The following SYNE2 variants were observed in gnomAD, a reference collection of about 807,000 sequenced individuals.
SYNE2 encodes spectrin repeat containing nuclear envelope protein 2, also known as nesprin-2.
Under a neutral mutation model 856.3 loss-of-function variants are expected in SYNE2, and 431 were observed. The ratio of observed to expected loss-of-function variants is 0.50; its 90% CI spans 0.47 to 0.55. The LOEUF is 0.55. SYNE2 is among the 20% of genes least tolerant of loss of function. The pLI, the probability that SYNE2 is intolerant of heterozygous loss-of-function variation, is 0.00. For missense variants in SYNE2, 8,129 were observed against 8,023.2 expected (o/e 1.01, Z -0.50); for synonymous variants, 2,923 against 2,872.3 (o/e 1.02, Z -0.56).
At chr14:64,172,935 A>G (rs946414527) in intron 94 of SYNE2, among the ~76,000 whole-genome samples, 4 of 144,126 alleles carry the variant, frequency 2.8e-5, no homozygotes, top group Admixed American at 6.9e-5. Flanking sequence ...ACCTGTCTGG[A>G]AAAAAAAAAA....
intron 1 of SYNE2, among the ~76,000 whole-genome samples, chr14:63,853,502 G>GCCCCGGCCGCCCCCTCCCGGGCC (rs1448404088): frequency 6.6e-6 from 1 of 151,666 alleles, no homozygotes; most frequent in African/African-American, 2.4e-5. Flanking sequence ...GTGCCCGGGT[G>GCCCCGGCCGCCCCCTCCCGGGCC]CCCCGGCCGC....
At chr14:63,845,839 C>T (rs2139942727) in intron 1 of SYNE2, among the ~76,000 whole-genome samples, 1 of 150,102 alleles carries the variant, frequency 6.7e-6, no homozygotes, top group South Asian at 2.1e-4. Context: ...CTCCCAGGTT[C>T]AGGTGATTCT....
upstream of SYNE2, among the ~76,000 whole-genome samples, chr14:63,761,856 C>A (rs1886495221): frequency 6.6e-6 from 1 of 152,146 alleles, no homozygotes; most frequent in African/African-American, 2.4e-5. Flanking sequence ...CAAACCTCTC[C>A]CAGAGTCAGG....
chr14:63,963,917 A>G lies in SYNE2; in HGVS notation c.907A>G (p.Met303Val), dbSNP rs377535370. The change falls in exon 10 of 116, where the codon ATG (methionine) becomes GTG (valine). Residue 303 changes from methionine to valine, a missense_variant. By Grantham distance (21) the Met-to-Val change is conservative (BLOSUM62 1). Coordinates refer to ENST00000555002, the MANE Select transcript of SYNE2 (RefSeq NM_182914.3). ...EEAQGKVKDAMGWLTLQKEKL... is the reference protein window; with the variant it reads ...EEAQGKVKDAVGWLTLQKEKL... ...AATACAGGGAAAGGTGAAAGATGCTATGGGCTGGTTAACTCTGCAAAAGGA... is the reference window on the plus strand; with the variant it reads ...AATACAGGGAAAGGTGAAAGATGCTGTGGGCTGGTTAACTCTGCAAAAGGA... The G allele has an allele frequency of 2.2e-4, 352 of 1,612,504 alleles. No individual in the cohort carries two copies. The highest frequency in any genetic ancestry group is 2.8e-4 in the Non-Finnish European group (329 of 1,178,644).
chr14:63,852,641 C>A (rs1375937561), upstream of SYNE2, among the ~76,000 whole-genome samples: 1 of 152,200 alleles, frequency 6.6e-6, no homozygotes, highest in African/African-American at 2.4e-5. Flanking sequence ...GATCTGCTCT[C>A]TAACTCCTAC....
At chr14:63,860,069 C>T (rs552357881) in intron 1 of SYNE2, among the ~76,000 whole-genome samples, 5 of 151,642 alleles carry the variant, frequency 3.3e-5, no homozygotes, top group African/African-American at 1.2e-4. Context: ...TGGCTCACTG[C>T]AACCTCTGCC....
In SYNE2 at chr14:63,974,851, CATGTGTGTGTGTGTGT is replaced by C. The variant is rs2096522627; in HGVS notation, c.1129-1711_1129-1696del. Among the ~76,000 whole-genome samples, 48 of 52,786 alleles carry C rather than the reference CATGTGTGTGTGTGTGT, an allele frequency of 9.1e-4. 1 individual carries two copies. The highest frequency in any genetic ancestry group is 2.2e-3 in the African/African-American group (36 of 16,616). The allele number at this position is 52,786 out of a possible 152,430, so 34.6% of individuals were successfully genotyped here. ...GTATATAGACGTGTGTGTGTGTGTA[CATGTGTGTGTGTGTGT>C]GTGTGTGTGTGTGTGTGTGTGTGTG... is the stretch of plus-strand genomic sequence containing the variant. On this transcript the variant is annotated intron_variant, in intron 11 of 115. Coordinates refer to ENST00000555002, the MANE Select transcript of SYNE2 (RefSeq NM_182914.3).
intron 1 of SYNE2, among the ~76,000 whole-genome samples, chr14:63,818,936 G>A (rs1196488542): frequency 1.3e-5 from 2 of 151,762 alleles, no homozygotes; most frequent in East Asian, 3.9e-4. Flanking sequence ...CTGACTTCGT[G>A]ATCCGCCAGC....
chr14:63,974,084 A>G (rs916643218), intron 11 of SYNE2, among the ~76,000 whole-genome samples: 2 of 152,232 alleles, frequency 1.3e-5, no homozygotes, highest in African/African-American at 2.4e-5. Context: ...TAATAATTTT[A>G]AAAACCTCAA....
intron 1 of SYNE2, among the ~76,000 whole-genome samples, chr14:63,865,480 G>A (rs1228826968): frequency 1.3e-5 from 2 of 152,008 alleles, no homozygotes; most frequent in Non-Finnish European, 2.9e-5. Context: ...TGGGTGGAGA[G>A]TGGAGGAGAG....
At chr14:63,994,076 G>GCCCACTGGTGA in intron 22 of SYNE2, 107 bp downstream of exon 22, 2 of 1,160,850 alleles carry the variant, frequency 1.7e-6, no homozygotes, top group Non-Finnish European at 2.5e-6. Flanking sequence ...TGTATCACCA[G>GCCCACTGGTGA]TGGGCTGGTC....
intron 11 of SYNE2, 30 bp from the exon 12 acceptor site, chr14:63,976,533 A>T (rs777717196): frequency 5.8e-6 from 9 of 1,545,460 alleles, no homozygotes; most frequent in African/African-American, 3.0e-5. Context: ...CTACTGAAGA[A>T]TATGTTCTTT....
chr14:64,164,681 A>G (rs761076547), intron 89 of SYNE2, among the ~76,000 whole-genome samples: 33 of 152,176 alleles, frequency 2.2e-4, no homozygotes, highest in Non-Finnish European at 4.0e-4. Context: ...AACTAGTGGG[A>G]CTGAGAGAAC....
intron 97 of SYNE2, among the ~76,000 whole-genome samples, chr14:64,188,068 A>G (rs1276342634): frequency 6.6e-6 from 1 of 152,242 alleles, no homozygotes; most frequent in East Asian, 1.9e-4. Flanking sequence ...GTTTTGAAGC[A>G]TAACACTAAG....
intron 11 of SYNE2, among the ~76,000 whole-genome samples, chr14:63,976,171 CTG>C (rs2096541285): frequency 1.3e-5 from 2 of 152,114 alleles, no homozygotes; most frequent in African/African-American, 4.8e-5. Flanking sequence ...AGTTATAAAT[CTG>C]TATGAAAGAT....
rs2097574577 is a variant in SYNE2, at chr14:64,087,706, T to C, written c.11520T>C (p.Leu3840=). The C allele has an allele frequency of 6.2e-7, 1 of 1,614,160 alleles. No homozygotes were observed. Among genetic ancestry groups the C allele is most frequent in the Non-Finnish European group, 8.5e-7 (1 of 1,180,018 alleles). ...ALEDSEQKHN[L]LHSIFMDLED... ...AAGATTCAGAACAGAAGCACAATCT[T>C]TTACATTCAATCTTTATGGATCTAG... The change falls in exon 58 of 116, where the codon CTT becomes CTC. Residue 3840 remains leucine, a synonymous_variant. Coordinates refer to ENST00000555002, the MANE Select transcript of SYNE2 (RefSeq NM_182914.3).
chr14:64,173,940 A>G (rs1024647857), intron 94 of SYNE2: 6 of 698,046 alleles, frequency 8.6e-6, no homozygotes, highest in Non-Finnish European at 1.6e-5. Flanking sequence ...CTCTTAAAAA[A>G]CAGGACCTTC....
intron 21 of SYNE2, among the ~76,000 whole-genome samples, chr14:63,991,886 C>A (rs973062388): frequency 6.6e-6 from 1 of 152,188 alleles, no homozygotes; most frequent in Non-Finnish European, 1.5e-5. Context: ...TGCGCCTACT[C>A]TTTATGAAAG....
intron 1 of SYNE2, among the ~76,000 whole-genome samples, chr14:63,874,226 C>A (rs570580806): frequency 1.3e-5 from 2 of 152,246 alleles, no homozygotes; most frequent in East Asian, 3.9e-4. Context: ...TTCTTTAAAA[C>A]CTTCTTATAG....
Sources: allele counts gnomAD v4.1 joint callset (sites outside exome capture counted in the v4.1 genomes callset), GRCh38; gene constraint gnomAD v4.1.1; transcripts MANE v1.5; gene names NCBI Gene and HGNC (gene_info 2026-07-23, HGNC 2026-07-21).